The following CAMK1D variants were observed in gnomAD, a reference collection of about 807,000 sequenced individuals.
The protein encoded by CAMK1D is calcium/calmodulin-dependent protein kinase type 1D.
A neutral mutation model predicts 47.7 loss-of-function variants in CAMK1D; 9 were observed. The observed-to-expected ratio is 0.19, with a 90% CI of 0.11 to 0.33. CAMK1D has a LOEUF of 0.33. Ranked by LOEUF, CAMK1D falls within the 10% of genes least tolerant of loss-of-function variation. The pLI is 1.00. For synonymous variants in CAMK1D, 184 were observed against 184.9 expected, an observed-to-expected ratio of 0.99 and a Z score of 0.04; for missense variants, 291 against 488.7, an observed-to-expected ratio of 0.60 and a Z score of 3.81.
In CAMK1D at chr10:12,674,219, G is replaced by A. The variant is rs868353320; in HGVS notation, c.299+7409G>A. Among the ~76,000 whole-genome samples the A allele has an allele frequency of 2.6e-5, 4 of 152,246 alleles. No individual in the cohort carries two copies. In the South Asian group the frequency reaches 6.2e-4, roughly 24 times the overall value. On this transcript the variant is annotated intron_variant, in intron 3 of 10. Coordinates refer to ENST00000619168, the MANE Select transcript of CAMK1D (RefSeq NM_153498.4). ...TCTCCCAAAGTGTTGGGATATGTGA[G>A]CCACTGCTCCTGGCCCCCATCTTTT...
At chr10:12,369,784 C>T (rs994198989) in intron 1 of CAMK1D, among the ~76,000 whole-genome samples, 11 of 151,850 alleles carry the variant, frequency 7.2e-5, no homozygotes, top group Non-Finnish European at 1.5e-4. Flanking sequence ...CATGGTGAAA[C>T]CCCGTCTCTA....
chr10:12,460,522 T>G (rs1027068394), intron 1 of CAMK1D, among the ~76,000 whole-genome samples: 1 of 152,170 alleles, frequency 6.6e-6, no homozygotes, highest in Non-Finnish European at 1.5e-5. Flanking sequence ...ATCCTCCTCC[T>G]CCTGGGTTCA....
chr10:12,443,819 G>A (rs1588491654), intron 1 of CAMK1D, among the ~76,000 whole-genome samples: 1 of 151,970 alleles, frequency 6.6e-6, no homozygotes, highest in Non-Finnish European at 1.5e-5. Flanking sequence ...CAGTAGAGAC[G>A]GAGTTTCACC....
chr10:12,471,239 A>G (rs1035351428), intron 1 of CAMK1D, among the ~76,000 whole-genome samples: 2 of 152,204 alleles, frequency 1.3e-5, no homozygotes, highest in Non-Finnish European at 2.9e-5. Context: ...AGTGGGAATC[A>G]GCCCTGCTCT....
At chr10:12,637,327 G>A (rs1388729877) in intron 2 of CAMK1D, among the ~76,000 whole-genome samples, 2 of 152,304 alleles carry the variant, frequency 1.3e-5, no homozygotes, top group Admixed American at 6.5e-5. Flanking sequence ...TACGACTACT[G>A]TAGATACTTC....
intron 1 of CAMK1D, among the ~76,000 whole-genome samples, chr10:12,528,658 A>C (rs958973136): frequency 4.6e-5 from 7 of 152,142 alleles, no homozygotes; most frequent in African/African-American, 1.7e-4. Context: ...CACCTTGTCA[A>C]AGGTAAAATG....
chr10:12,630,310 C>T (rs147301779), intron 2 of CAMK1D, among the ~76,000 whole-genome samples: 146 of 151,712 alleles, frequency 9.6e-4, no homozygotes, highest in African/African-American at 3.3e-3. Context: ...CCACCCCCAC[C>T]GCGTATATAT....
chr10:12,698,379 C>G (rs1055101656), intron 3 of CAMK1D, among the ~76,000 whole-genome samples: 1 of 152,082 alleles, frequency 6.6e-6, no homozygotes, highest in South Asian at 2.1e-4. Flanking sequence ...TTTTTATAAC[C>G]TCGTTTTATA....
Position 12,770,970 on chromosome 10 carries a change from G to A in CAMK1D, c.565+1171G>A, listed in dbSNP as rs185570330. On this transcript the variant is annotated intron_variant, in intron 5 of 10. Coordinates refer to ENST00000619168, the MANE Select transcript of CAMK1D (RefSeq NM_153498.4). ...GTAGGGTACTGAATCTAGCTGTGTT[G>A]CAAGGTTGGAGTGCAGTGGCGCAAT... is the stretch of plus-strand genomic sequence containing the variant. Among the ~76,000 whole-genome samples the A allele has an allele frequency of 4.8e-3, 729 of 152,140 alleles. 2 individuals carry two copies. Among genetic ancestry groups the A allele is most frequent in the Non-Finnish European group, 6.9e-3 (471 of 67,978 alleles).
chr10:12,404,331 C>A (rs1449914318), intron 1 of CAMK1D, among the ~76,000 whole-genome samples: 1 of 152,176 alleles, frequency 6.6e-6, no homozygotes, highest in African/African-American at 2.4e-5. Flanking sequence ...AGGCGTGAGC[C>A]CCTGCGCCCG....
At position 12,449,820 on chromosome 10, in the gene CAMK1D, G is replaced by A. The variant is rs2003927; in HGVS notation, c.92+99910G>A. ...TTGAGATTAGCCTGGCCAACATGGC[G>A]AAACCCCACCTCTACTAAAAATATA... On this transcript the variant is annotated intron_variant, in intron 1 of 10. Transcript: ENST00000619168. Among the ~76,000 whole-genome samples the A allele has an allele frequency of 6.1e-3, 925 of 152,186 alleles. 6 individuals are homozygous for A. Among genetic ancestry groups the A allele is most frequent in the African/African-American group, 0.021 (877 of 41,516 alleles).
intron 6 of CAMK1D, among the ~76,000 whole-genome samples, chr10:12,792,424 G>A (rs550580150): frequency 6.6e-6 from 1 of 152,296 alleles, no homozygotes; most frequent in Admixed American, 6.5e-5. Flanking sequence ...TTCTGCAATT[G>A]CTAGGAAATG....
intron 2 of CAMK1D, among the ~76,000 whole-genome samples, chr10:12,637,502 C>G (rs890069078): frequency 6.6e-6 from 1 of 151,956 alleles, no homozygotes; most frequent in Non-Finnish European, 1.5e-5. Context: ...ACTTCTTTAT[C>G]TCATCTGTGG....
chr10:12,723,333 G>C lies in CAMK1D; in HGVS notation c.300-37615G>C, dbSNP rs114189830. Among the ~76,000 whole-genome samples, 826 of 152,288 alleles carry C rather than the reference G, an allele frequency of 5.4e-3. 11 individuals are homozygous for C. The highest frequency in any genetic ancestry group is 0.019 in the African/African-American group (774 of 41,562). On this transcript the variant is annotated intron_variant, in intron 3 of 10. Coordinates refer to ENST00000619168, the MANE Select transcript of CAMK1D (RefSeq NM_153498.4). ...CTTCCATGTAACAGATGAGGCATCT[G>C]CAGCTCACAAGGTTAGAAAGCTTCC...
intron 1 of CAMK1D, among the ~76,000 whole-genome samples, chr10:12,433,683 A>G (rs1255624149): frequency 6.6e-6 from 1 of 152,224 alleles, no homozygotes; most frequent in Non-Finnish European, 1.5e-5. Context: ...AAAACCATAG[A>G]AAAGAAAAAA....
intron 1 of CAMK1D, among the ~76,000 whole-genome samples, chr10:12,519,110 C>T (rs1283040548): frequency 1.1e-5 from 1 of 93,284 alleles, no homozygotes; most frequent in Non-Finnish European, 2.3e-5. Flanking sequence ...GCTGGCCGGG[C>T]GGGGGGCTGA....
At chr10:12,426,240 G>A (rs1357862903) in intron 1 of CAMK1D, among the ~76,000 whole-genome samples, 1 of 152,076 alleles carries the variant, frequency 6.6e-6, no homozygotes, top group African/African-American at 2.4e-5. Context: ...GCTGTGAAGG[G>A]ATATTTTTTT....
chr10:12,591,306 G>A (rs954780671), intron 2 of CAMK1D, among the ~76,000 whole-genome samples: 1 of 152,094 alleles, frequency 6.6e-6, no homozygotes, highest in African/African-American at 2.4e-5. Flanking sequence ...ATCAATTACT[G>A]GCAGCTGCCC....
intron 2 of CAMK1D, among the ~76,000 whole-genome samples, chr10:12,569,203 C>T (rs1837237954): frequency 6.6e-6 from 1 of 152,086 alleles, no homozygotes; most frequent in Non-Finnish European, 1.5e-5. Context: ...CCTTTAATTT[C>T]CTTTTTTGGT....
Sources: gnomAD v4.1 joint callset for allele counts (sites outside exome capture counted in the v4.1 genomes callset) on GRCh38, gnomAD v4.1.1 for gene constraint, MANE v1.5 for transcripts, NCBI Gene and HGNC (gene_info 2026-07-23, HGNC 2026-07-21) for gene names.